The following LRFN2 variants were observed in gnomAD, a reference collection of about 807,000 sequenced individuals.
The protein encoded by LRFN2 is leucine rich repeat and fibronectin type III domain containing 2.
Under a neutral mutation model 37.3 loss-of-function variants are expected in LRFN2, and 18 were observed. The observed-to-expected ratio is 0.48, with a 90% CI of 0.33 to 0.72. The LOEUF is 0.72. Ranked by LOEUF, LRFN2 falls within the 30% of genes least tolerant of loss-of-function variation. The pLI is 0.02. For synonymous variants in LRFN2, 556 were observed against 466.6 expected (o/e 1.19, Z -2.47); for missense variants, 1,006 against 1,060.7 (o/e 0.95, Z 0.72).
chr6:40,499,464 G>C (rs1765319783), intron 1 of LRFN2, among the ~76,000 whole-genome samples: 1 of 152,142 alleles, frequency 6.6e-6, no homozygotes, highest in African/African-American at 2.4e-5. Context: ...CCCAGGGTCA[G>C]AGCCCAGGAG....
intron 1 of LRFN2, among the ~76,000 whole-genome samples, chr6:40,465,494 C>T (rs578195017): frequency 2.6e-5 from 4 of 152,302 alleles, no homozygotes; most frequent in African/African-American, 9.6e-5. Flanking sequence ...CCTTACTTCT[C>T]TATCAATGCC....
rs909738877 is a variant in LRFN2, at chr6:40,558,870, G to A, written c.-19+28071C>T. Among the ~76,000 whole-genome samples, 5 of 152,170 alleles carry A rather than the reference G, an allele frequency of 3.3e-5. No homozygotes were observed. In the East Asian group the frequency reaches 9.7e-4, roughly 29 times the overall value. ...TACCCAAGATCACACAACAATCAGA[G>A]GCATCTCAATCCAAAGCCGGGCTTG... On this transcript the variant is annotated intron_variant, in intron 1 of 2. Transcript: ENST00000338305.
chr6:40,582,200 GAAAC>G (rs1204769914), intron 1 of LRFN2, among the ~76,000 whole-genome samples: 1 of 152,142 alleles, frequency 6.6e-6, no homozygotes, highest in Non-Finnish European at 1.5e-5. Context: ...ACCCAGGCAG[GAAAC>G]ATGGAAGGAA....
chr6:40,546,088 G>A (rs186723494), intron 1 of LRFN2, among the ~76,000 whole-genome samples: 6 of 152,226 alleles, frequency 3.9e-5, no homozygotes, highest in African/African-American at 1.4e-4. Context: ...AGAGGGACCA[G>A]GCTGCCTGGC....
intron 2 of LRFN2, among the ~76,000 whole-genome samples, chr6:40,430,265 C>T (rs1763449233): frequency 1.3e-5 from 2 of 152,146 alleles, no homozygotes. Flanking sequence ...CACAACATAC[C>T]CACCCTCAGT....
At chr6:40,545,444 A>T (rs1222531250) in intron 1 of LRFN2, among the ~76,000 whole-genome samples, 1 of 152,220 alleles carries the variant, frequency 6.6e-6, no homozygotes, top group Non-Finnish European at 1.5e-5. Context: ...ACGATGGGTC[A>T]TTGAAAACAA....
chr6:40,534,401 C>T (rs1309447483), intron 1 of LRFN2, among the ~76,000 whole-genome samples: 1 of 151,846 alleles, frequency 6.6e-6, no homozygotes, highest in South Asian at 2.1e-4. Context: ...ACCCTGAGAC[C>T]CCCCCACTCC....
At chr6:40,413,818 T>G (rs1043353422) in intron 2 of LRFN2, among the ~76,000 whole-genome samples, 1 of 151,868 alleles carries the variant, frequency 6.6e-6, no homozygotes, top group African/African-American at 2.4e-5. Flanking sequence ...AGCACCCACC[T>G]GTTTCCTCTT....
At chr6:40,556,428 C>A (rs1581793184) in intron 1 of LRFN2, among the ~76,000 whole-genome samples, 1 of 152,124 alleles carries the variant, frequency 6.6e-6, no homozygotes, top group African/African-American at 2.4e-5. Flanking sequence ...GGGCATGAAG[C>A]CCCACCTGCA....
chr6:40,450,511 C>T (rs1447985403), intron 1 of LRFN2, among the ~76,000 whole-genome samples: 1 of 152,168 alleles, frequency 6.6e-6, no homozygotes, highest in Non-Finnish European at 1.5e-5. Context: ...CAGCCTTTTC[C>T]TTGTCCCTGG....
At chr6:40,525,860 G>A (rs1301888718) in intron 1 of LRFN2, among the ~76,000 whole-genome samples, 1 of 152,094 alleles carries the variant, frequency 6.6e-6, no homozygotes, top group South Asian at 2.1e-4. Flanking sequence ...GCAAGACCAC[G>A]TAAGACACAG....
intron 1 of LRFN2, among the ~76,000 whole-genome samples, chr6:40,579,601 C>T (rs76338136): frequency 0.016 from 2,062 of 130,660 alleles, 18 homozygotes; most frequent in Non-Finnish European, 0.023. Context: ...GCAACACACA[C>T]GAACACACAC....
chr6:40,435,036 TATATATATATATATATAGAGAG>T (rs1384033865), intron 1 of LRFN2, among the ~76,000 whole-genome samples: 114 of 92,982 alleles, frequency 1.2e-3, no homozygotes, highest in African/African-American at 4.5e-3. Context: ...TATATATATA[TATATATATATATATATAGAGAG>T]AGAGAGAGAG....
chr6:40,421,694 G>A (rs1316946302), intron 2 of LRFN2, among the ~76,000 whole-genome samples: 7 of 152,144 alleles, frequency 4.6e-5, no homozygotes, highest in Admixed American at 2.6e-4. Flanking sequence ...TGAGGCACAT[G>A]TGGCTCCTCA....
chr6:40,410,474 T>C (rs1285746998), intron 2 of LRFN2, among the ~76,000 whole-genome samples: 3 of 152,186 alleles, frequency 2.0e-5, no homozygotes, highest in Admixed American at 2.0e-4. Flanking sequence ...ATTTATTGAC[T>C]ATATCTTTAC....
intron 1 of LRFN2, among the ~76,000 whole-genome samples, chr6:40,563,210 C>G (rs1355494888): frequency 6.6e-6 from 1 of 152,142 alleles, no homozygotes; most frequent in Admixed American, 6.5e-5. Flanking sequence ...TCTCTCCGCT[C>G]TGCTCTGGAA....
chr6:40,521,174 G>A (rs964333790), intron 1 of LRFN2, among the ~76,000 whole-genome samples: 5 of 152,176 alleles, frequency 3.3e-5, no homozygotes, highest in African/African-American at 1.2e-4. Context: ...GAATAGAGGA[G>A]AGAAGAGAGG....
intron 1 of LRFN2, among the ~76,000 whole-genome samples, chr6:40,461,600 AC>A (rs1177368391): frequency 2.8e-5 from 4 of 142,870 alleles, no homozygotes; most frequent in Non-Finnish European, 6.2e-5. Flanking sequence ...AAAAAAAAAA[AC>A]CCTCCCTTCA....
intron 1 of LRFN2, among the ~76,000 whole-genome samples, chr6:40,533,702 T>C (rs1216327430): frequency 1.3e-5 from 2 of 152,064 alleles, no homozygotes; most frequent in African/African-American, 2.4e-5. Context: ...CACATCCTGA[T>C]AGAGGAGACT....
Sources: allele counts gnomAD v4.1 joint callset (sites outside exome capture counted in the v4.1 genomes callset), GRCh38; gene constraint gnomAD v4.1.1; transcripts MANE v1.5; gene names NCBI Gene and HGNC (gene_info 2026-07-23, HGNC 2026-07-21).